Variants in DPYD observed in about 807,000 individuals in gnomAD.
DPYD encodes the protein dihydropyrimidine dehydrogenase, also known as dihydropyrimidine dehydrogenase [NADP(+)].
A neutral mutation model predicts 116.2 loss-of-function variants in DPYD; 109 were observed. The ratio of observed to expected loss-of-function variants is 0.94; its 90% confidence interval spans 0.80 to 1.10. The LOEUF is 1.10. Among genes scored for constraint, DPYD ranks in the 50% least tolerant of loss-of-function variants. The pLI, the probability that DPYD is intolerant of heterozygous loss-of-function variation, is 0.00. For missense variants in DPYD, 1,302 were observed against 1,254.5 expected (o/e 1.04, Z -0.57); for synonymous variants, 440 against 432.0 (o/e 1.02, Z -0.23).
At chr1:97,337,021 G>A (rs1161506342) in intron 16 of DPYD, among the ~76,000 whole-genome samples, 1 of 152,172 alleles carries the variant, frequency 6.6e-6, no homozygotes, top group Non-Finnish European at 1.5e-5. Flanking sequence ...TTTGAGCAGA[G>A]TAGGAGAAAG....
At chr1:97,490,051 C>T (rs1678880115) in intron 13 of DPYD, among the ~76,000 whole-genome samples, 2 of 151,994 alleles carry the variant, frequency 1.3e-5, no homozygotes, top group African/African-American at 4.8e-5. Flanking sequence ...CAGCTTCCTT[C>T]CTGTAAAGTG....
intron 16 of DPYD, among the ~76,000 whole-genome samples, chr1:97,343,415 A>T (rs1669681265): frequency 6.6e-6 from 1 of 152,156 alleles, no homozygotes; most frequent in Non-Finnish European, 1.5e-5. Flanking sequence ...TCATTATTTT[A>T]AAAATATGCC....
chr1:97,524,683 C>G (rs1396215723), intron 12 of DPYD, among the ~76,000 whole-genome samples: 1 of 152,044 alleles, frequency 6.6e-6, no homozygotes, highest in Non-Finnish European at 1.5e-5. Flanking sequence ...TTCTTTCTTT[C>G]TTTTTTTGAA....
chr1:97,335,993 C>G (rs1320031914), intron 16 of DPYD, among the ~76,000 whole-genome samples: 1 of 152,130 alleles, frequency 6.6e-6, no homozygotes, highest in Non-Finnish European at 1.5e-5. Flanking sequence ...CTCTTCAAGT[C>G]TCTCTTTGAG....
chr1:97,871,656 A>T (rs888016580), intron 2 of DPYD, among the ~76,000 whole-genome samples: 3 of 151,660 alleles, frequency 2.0e-5, no homozygotes, highest in Non-Finnish European at 4.4e-5. Flanking sequence ...GCTCAAAAAA[A>T]TTTTTGTGGC....
intron 1 of DPYD, among the ~76,000 whole-genome samples, chr1:97,900,563 C>A (rs925529278): frequency 7.2e-5 from 11 of 151,858 alleles, no homozygotes; most frequent in Non-Finnish European, 1.5e-4. Flanking sequence ...GTCAAAAATC[C>A]TAAACCAAAA....
chr1:97,650,547 G>T (rs918331204), intron 8 of DPYD, among the ~76,000 whole-genome samples: 15 of 152,188 alleles, frequency 9.9e-5, no homozygotes, highest in African/African-American at 3.1e-4. Context: ...ATAGATTTTA[G>T]TTTATGATGG....
intron 14 of DPYD, among the ~76,000 whole-genome samples, chr1:97,447,177 C>A (rs1023174965): frequency 1.3e-5 from 2 of 152,210 alleles, no homozygotes; most frequent in African/African-American, 4.8e-5. Flanking sequence ...CCACACCCAG[C>A]ACAATTCTTT....
chr1:97,302,962 C>T (rs1248577391), intron 18 of DPYD, among the ~76,000 whole-genome samples: 1 of 151,892 alleles, frequency 6.6e-6, no homozygotes, highest in Non-Finnish European at 1.5e-5. Flanking sequence ...AGCTGAGATC[C>T]CGTTTTCCCA....
intron 4 of DPYD, among the ~76,000 whole-genome samples, chr1:97,722,943 G>T (rs1262268305): frequency 6.6e-6 from 1 of 151,322 alleles, no homozygotes; most frequent in Non-Finnish European, 1.5e-5. Flanking sequence ...AATAAAATAA[G>T]CAAACTCCTA....
intron 4 of DPYD, among the ~76,000 whole-genome samples, chr1:97,732,979 C>T (rs1329266648): frequency 1.3e-5 from 2 of 151,826 alleles, no homozygotes; most frequent in Non-Finnish European, 2.9e-5. Flanking sequence ...TAGTTAATAA[C>T]AAAATATACT....
At chr1:97,629,103 A>T (rs1657106528) in intron 8 of DPYD, among the ~76,000 whole-genome samples, 1 of 152,068 alleles carries the variant, frequency 6.6e-6, no homozygotes, top group Non-Finnish European at 1.5e-5. Context: ...ATTAAAAATA[A>T]GTCATTTATT....
At chr1:97,612,231 T>C (rs1403489983) in intron 8 of DPYD, among the ~76,000 whole-genome samples, 1 of 152,046 alleles carries the variant, frequency 6.6e-6, no homozygotes, top group East Asian at 1.9e-4. Flanking sequence ...TTTCACACGA[T>C]AAAAGAACCA....
chr1:97,125,989 T>G (rs1161509191), intron 20 of DPYD, among the ~76,000 whole-genome samples: 4 of 152,148 alleles, frequency 2.6e-5, no homozygotes, highest in Non-Finnish European at 4.4e-5. Flanking sequence ...TATCATTCCT[T>G]TCTTTTGAGA....
intron 8 of DPYD, among the ~76,000 whole-genome samples, chr1:97,675,982 CATG>C (rs973089876): frequency 1.3e-5 from 2 of 152,016 alleles, no homozygotes; most frequent in African/African-American, 4.8e-5. Flanking sequence ...CTCTTGACCT[CATG>C]ATCCACCCGC....
intron 14 of DPYD, among the ~76,000 whole-genome samples, chr1:97,414,325 G>GT (rs1674172187): frequency 6.6e-6 from 1 of 152,160 alleles, no homozygotes; most frequent in East Asian, 1.9e-4. Flanking sequence ...AGGACTCACT[G>GT]TATCAAAATA....
chr1:97,410,559 T>G (rs1408041637), intron 14 of DPYD, among the ~76,000 whole-genome samples: 5 of 152,192 alleles, frequency 3.3e-5, no homozygotes, highest in Non-Finnish European at 7.3e-5. Context: ...ACTTTGGTTT[T>G]AAACATCCGG....
chr1:97,225,029 C>T (rs1470059997), intron 19 of DPYD, among the ~76,000 whole-genome samples: 1 of 151,504 alleles, frequency 6.6e-6, no homozygotes, highest in Non-Finnish European at 1.5e-5. Context: ...ATCTATCTAT[C>T]TATCTATCTA....
At chr1:97,100,455 A>G (rs746919151) in intron 20 of DPYD, among the ~76,000 whole-genome samples, 1 of 152,052 alleles carries the variant, frequency 6.6e-6, no homozygotes, top group Non-Finnish European at 1.5e-5. Flanking sequence ...CTCAAAGACT[A>G]TCAAGAACGG....
Sources: gnomAD v4.1 joint callset for allele counts (sites outside exome capture counted in the v4.1 genomes callset) on GRCh38, gnomAD v4.1.1 for gene constraint, MANE v1.5 for transcripts, NCBI Gene and HGNC (gene_info 2026-07-23, HGNC 2026-07-21) for gene names.